The following NEGR1 variants were observed in gnomAD, a reference collection of about 807,000 sequenced individuals.
NEGR1 encodes IgLON family member 4.
Under a neutral mutation model 40.9 loss-of-function variants are expected in NEGR1, and 10 were observed. The observed-to-expected ratio is 0.24, with a 90% confidence interval of 0.15 to 0.42. The LOEUF (loss-of-function observed/expected upper bound fraction) is 0.42, where lower values mean the gene tolerates loss of function less well. NEGR1 is among the 10% of genes least tolerant of loss of function. The pLI, the probability that NEGR1 is intolerant of heterozygous loss-of-function variation, is 1.00. For missense variants in NEGR1, 352 were observed against 438.9 expected, an observed-to-expected ratio of 0.80 and a Z score of 1.77; for synonymous variants, 185 against 166.8, an observed-to-expected ratio of 1.11 and a Z score of -0.84.
chr1:72,237,123 G>A (rs35166058), intron 1 of NEGR1, among the ~76,000 whole-genome samples: 21,080 of 151,810 alleles, frequency 0.14, 1,779 homozygotes, highest in Non-Finnish European at 0.19. Context: ...GTAGAGAAAA[G>A]TTCCTATCAC....
At chr1:71,583,440 C>T (rs1355379767) in intron 6 of NEGR1, among the ~76,000 whole-genome samples, 1 of 152,112 alleles carries the variant, frequency 6.6e-6, no homozygotes, top group African/African-American at 2.4e-5. Flanking sequence ...CAAATATGGC[C>T]TCCAACAGGC....
intron 2 of NEGR1, among the ~76,000 whole-genome samples, chr1:71,795,902 C>CAG (rs1488843178): frequency 6.6e-6 from 1 of 152,108 alleles, no homozygotes; most frequent in African/African-American, 2.4e-5. Context: ...CTGTGAAATA[C>CAG]AGAGCTTCTA....
chr1:71,872,707 G>C (rs1660313766), intron 2 of NEGR1, among the ~76,000 whole-genome samples: 1 of 152,166 alleles, frequency 6.6e-6, no homozygotes, highest in South Asian at 2.1e-4. Context: ...CATTTTGACA[G>C]ATAAAGGTTG....
rs532976920 is a variant in NEGR1, at chr1:72,240,333, C to T, written c.176+41986G>A. Among the ~76,000 whole-genome samples the T allele has an allele frequency of 2.6e-5, 4 of 151,868 alleles. No individual in the cohort carries two copies. In the East Asian group the frequency reaches 7.7e-4, roughly 29 times the overall value. ...ATTAAAGAGGACCAAAGATTAACAGCATAAACAATAGCTAACACCTTAGAC... is the reference window on the plus strand; with the variant it reads ...ATTAAAGAGGACCAAAGATTAACAGTATAAACAATAGCTAACACCTTAGAC... On this transcript the variant is annotated intron_variant, in intron 1 of 6. Transcript: ENST00000357731.
chr1:71,759,287 CTTTTTTTTTTTTTTT>C (rs759687500), intron 3 of NEGR1, among the ~76,000 whole-genome samples: 1 of 85,220 alleles, frequency 1.2e-5, no homozygotes, highest in Non-Finnish European at 2.1e-5. Flanking sequence ...AAGATTATAA[CTTTTTTTTTTTTTTT>C]TTTTTTTTTT....
intron 1 of NEGR1, among the ~76,000 whole-genome samples, chr1:72,276,154 C>A (rs959179034): frequency 9.9e-5 from 15 of 151,968 alleles, no homozygotes; most frequent in Non-Finnish European, 1.9e-4. Flanking sequence ...GTTCTAATTT[C>A]TGCAATTTTG....
intron 6 of NEGR1, among the ~76,000 whole-genome samples, chr1:71,570,061 C>T (rs181937830): frequency 2.6e-4 from 39 of 152,254 alleles, no homozygotes; most frequent in African/African-American, 8.9e-4. Flanking sequence ...TTAAAAACAA[C>T]AACAAAAAAG....
intron 1 of NEGR1, among the ~76,000 whole-genome samples, chr1:72,111,448 A>G (rs1211632100): frequency 5.3e-5 from 8 of 151,732 alleles, no homozygotes; most frequent in African/African-American, 1.9e-4. Flanking sequence ...TCTGAATATC[A>G]TGAAAAAAAG....
intron 1 of NEGR1, among the ~76,000 whole-genome samples, chr1:72,032,733 C>T (rs1646869971): frequency 6.6e-6 from 1 of 152,120 alleles, no homozygotes; most frequent in African/African-American, 2.4e-5. Flanking sequence ...TCATCAAATA[C>T]ATTTTAGCAT....
intron 6 of NEGR1, among the ~76,000 whole-genome samples, chr1:71,571,266 C>T (rs1648799006): frequency 6.6e-6 from 1 of 152,106 alleles, no homozygotes; most frequent in Non-Finnish European, 1.5e-5. Context: ...ATTTGCTTCG[C>T]AAAGCATATT....
At chr1:71,726,639 C>T (rs991617276) in intron 3 of NEGR1, among the ~76,000 whole-genome samples, 1 of 151,998 alleles carries the variant, frequency 6.6e-6, no homozygotes, top group East Asian at 1.9e-4. Flanking sequence ...TGTCTTTAAT[C>T]TCAGAAAGAT....
At chr1:72,118,953 T>C (rs1038388701) in intron 1 of NEGR1, among the ~76,000 whole-genome samples, 23 of 151,866 alleles carry the variant, frequency 1.5e-4, no homozygotes, top group African/African-American at 5.5e-4. Flanking sequence ...TAAAAAAACT[T>C]GCATTTTTCT....
intron 6 of NEGR1, among the ~76,000 whole-genome samples, chr1:71,458,566 A>G (rs766927727): frequency 7.2e-5 from 11 of 152,186 alleles, no homozygotes; most frequent in Non-Finnish European, 1.6e-4. Context: ...CAATTTTGAT[A>G]TGGCTTTGAT....
intron 6 of NEGR1, among the ~76,000 whole-genome samples, chr1:71,410,352 G>C (rs1010052929): frequency 2.0e-5 from 3 of 152,054 alleles, no homozygotes; most frequent in African/African-American, 7.2e-5. Context: ...GTCACCAGTC[G>C]TACTCTTTAA....
chr1:71,541,303 G>A (rs1210840191), intron 6 of NEGR1, among the ~76,000 whole-genome samples: 1 of 151,596 alleles, frequency 6.6e-6, no homozygotes, highest in Non-Finnish European at 1.5e-5. Context: ...TCTCATTTCT[G>A]ACCTGGGTCC....
chr1:71,867,016 G>C (rs116813911), intron 2 of NEGR1, among the ~76,000 whole-genome samples: 1 of 152,110 alleles, frequency 6.6e-6, no homozygotes, highest in Non-Finnish European at 1.5e-5. Flanking sequence ...ATATAAGTAC[G>C]AATATTATTG....
At chr1:71,895,036 C>A (rs779804353) in intron 2 of NEGR1, among the ~76,000 whole-genome samples, 3 of 152,120 alleles carry the variant, frequency 2.0e-5, no homozygotes, top group Non-Finnish European at 4.4e-5. Flanking sequence ...GCATACCCAT[C>A]GCATGATTCT....
chr1:71,640,751 A>G (rs1459656472), intron 4 of NEGR1, among the ~76,000 whole-genome samples: 2 of 152,078 alleles, frequency 1.3e-5, no homozygotes, highest in African/African-American at 4.8e-5. Flanking sequence ...TGACTAGAAC[A>G]CAATGTCTAA....
At chr1:71,808,609 C>T (rs1447961926) in intron 2 of NEGR1, among the ~76,000 whole-genome samples, 2 of 151,366 alleles carry the variant, frequency 1.3e-5, no homozygotes, top group Admixed American at 6.6e-5. Context: ...TTAGAATAAA[C>T]AAAAGAATGT....
Sources: gnomAD v4.1 joint callset for allele counts (sites outside exome capture counted in the v4.1 genomes callset) on GRCh38, gnomAD v4.1.1 for gene constraint, MANE v1.5 for transcripts, NCBI Gene and HGNC (gene_info 2026-07-23, HGNC 2026-07-21) for gene names.